The following NAALADL2 variants were observed in gnomAD, a reference collection of about 807,000 sequenced individuals.
NAALADL2 encodes the protein N-acetylated alpha-linked acidic dipeptidase like 2, also known as inactive N-acetylated-alpha-linked acidic dipeptidase-like protein 2.
NAALADL2 carries 76 observed loss-of-function variants against 87.2 expected under a neutral mutation model. The ratio of observed to expected loss-of-function variants is 0.87; its 90% CI spans 0.72 to 1.05. The LOEUF (loss-of-function observed/expected upper bound fraction) is 1.05, where lower values mean the gene tolerates loss of function less well. NAALADL2 is among the 50% of genes least tolerant of loss of function. The pLI is 0.00. For missense variants in NAALADL2, 1,089 were observed against 945.8 expected, an observed-to-expected ratio of 1.15 and a Z score of -1.99; for synonymous variants, 354 against 331.0, an observed-to-expected ratio of 1.07 and a Z score of -0.75.
rs779462263 is a variant in NAALADL2 at position 175,260,492 on chromosome 3, T to C, written c.939+3962T>C. Among the ~76,000 whole-genome samples, 13 of 152,292 alleles carry C rather than the reference T, an allele frequency of 8.5e-5. No homozygotes were observed. In the South Asian group the frequency reaches 2.7e-3, roughly 32 times the overall value. ...AGAAAAAGGAAGCATGTATTAAACATAGTTATGCAGCATGATTACGGCCCA... is the reference window on the plus strand; with the variant it reads ...AGAAAAAGGAAGCATGTATTAAACACAGTTATGCAGCATGATTACGGCCCA... On this transcript the variant is annotated intron_variant, in intron 4 of 13. Transcript: ENST00000454872.
chr3:175,653,217 G>A (rs1731022549), intron 11 of NAALADL2, among the ~76,000 whole-genome samples: 1 of 151,516 alleles, frequency 6.6e-6, no homozygotes, highest in East Asian at 1.9e-4. Context: ...TGGAAGGGGA[G>A]GAAGGAAGGC....
chr3:175,127,715 A>C (rs6798657), intron 2 of NAALADL2, among the ~76,000 whole-genome samples: 53,950 of 151,956 alleles, frequency 0.36, 9,855 homozygotes, highest in East Asian at 0.45. Context: ...ACTGTTTTCA[A>C]TATAAAATAA....
intron 11 of NAALADL2, among the ~76,000 whole-genome samples, chr3:175,704,219 A>T (rs59666432): frequency 0.033 from 5,090 of 152,262 alleles, 283 homozygotes; most frequent in African/African-American, 0.12. Flanking sequence ...TAAATACTGC[A>T]TAAATATTAG....
intron 1 of NAALADL2, among the ~76,000 whole-genome samples, chr3:174,500,106 T>C (rs1319830848): frequency 3.9e-4 from 59 of 152,212 alleles, no homozygotes; most frequent in Non-Finnish European, 2.9e-5. Context: ...CTCTTGGCAA[T>C]GTTTTATTTT....
intron 1 of NAALADL2, among the ~76,000 whole-genome samples, chr3:174,877,214 G>C (rs1182452274): frequency 1.3e-5 from 2 of 152,094 alleles, no homozygotes; most frequent in African/African-American, 2.4e-5. Flanking sequence ...AAGCTACTTA[G>C]ACGCTTACCT....
At chr3:175,750,142 TA>T (rs1258279413) in intron 12 of NAALADL2, among the ~76,000 whole-genome samples, 1 of 152,158 alleles carries the variant, frequency 6.6e-6, no homozygotes, top group East Asian at 1.9e-4. Flanking sequence ...ACCAGATGTA[TA>T]ATTAGTGGGA....
intron 10 of NAALADL2, among the ~76,000 whole-genome samples, chr3:175,608,478 C>A (rs1724096024): frequency 1.3e-5 from 2 of 151,870 alleles, no homozygotes; most frequent in Admixed American, 6.6e-5. Context: ...TATAAAGACA[C>A]AGAGAGCCTG....
At chr3:175,617,128 C>T (rs1187440850) in intron 10 of NAALADL2, among the ~76,000 whole-genome samples, 1 of 152,134 alleles carries the variant, frequency 6.6e-6, no homozygotes, top group African/African-American at 2.4e-5. Flanking sequence ...TCAACTACAA[C>T]TAAGGCATTG....
chr3:174,716,179 A>G (rs1731165589), intron 2 of NAALADL2, among the ~76,000 whole-genome samples: 1 of 152,152 alleles, frequency 6.6e-6, no homozygotes. Context: ...ATTGGGAAAG[A>G]TCATATTCTC....
At chr3:174,572,670 G>T (rs1715068217) in intron 2 of NAALADL2, among the ~76,000 whole-genome samples, 1 of 152,080 alleles carries the variant, frequency 6.6e-6, no homozygotes, top group African/African-American at 2.4e-5. Flanking sequence ...AAGGACTCAA[G>T]ATCAATATAA....
intron 1 of NAALADL2, among the ~76,000 whole-genome samples, chr3:174,861,760 A>T (rs11925646): frequency 6.6e-6 from 1 of 151,940 alleles, no homozygotes; most frequent in Admixed American, 6.6e-5. Context: ...CATAGATATT[A>T]TCAATGATTA....
At chr3:175,537,384 G>C (rs1175115639) in intron 9 of NAALADL2, among the ~76,000 whole-genome samples, 1 of 152,158 alleles carries the variant, frequency 6.6e-6, no homozygotes, top group East Asian at 1.9e-4. Context: ...GTGTATGAGG[G>C]AAGAGCAGAG....
At chr3:175,217,013 T>C (rs979122774) in intron 2 of NAALADL2, among the ~76,000 whole-genome samples, 10 of 152,206 alleles carry the variant, frequency 6.6e-5, no homozygotes, top group Non-Finnish European at 1.3e-4. Context: ...GAACACCCAA[T>C]GTAATTTGAA....
intron 3 of NAALADL2, among the ~76,000 whole-genome samples, chr3:174,763,227 G>A (rs1713279893): frequency 6.6e-6 from 1 of 152,028 alleles, no homozygotes; most frequent in African/African-American, 2.4e-5. Context: ...TGTTCAGAGT[G>A]ATATATGAAT....
At chr3:174,635,525 T>C (rs1722549078) in intron 2 of NAALADL2, among the ~76,000 whole-genome samples, 2 of 150,068 alleles carry the variant, frequency 1.3e-5, no homozygotes, top group South Asian at 4.2e-4. Context: ...TTTTTTGAGA[T>C]GGAGTCTTGC....
chr3:174,904,823 C>T (rs983743448), intron 1 of NAALADL2, among the ~76,000 whole-genome samples: 63 of 151,622 alleles, frequency 4.2e-4, no homozygotes, highest in African/African-American at 1.3e-3. Flanking sequence ...TTTTGATGCT[C>T]GGTATGTTTT....
At chr3:174,855,473 T>A (rs1433247864), upstream of NAALADL2, among the ~76,000 whole-genome samples, 2 of 152,136 alleles carry the variant, frequency 1.3e-5, no homozygotes, top group Non-Finnish European at 2.9e-5. Context: ...ATTTCTTATA[T>A]CCTTCTAACT....
intron 10 of NAALADL2, among the ~76,000 whole-genome samples, chr3:175,613,486 A>C (rs936683510): frequency 6.6e-6 from 1 of 152,252 alleles, no homozygotes; most frequent in Non-Finnish European, 1.5e-5. Flanking sequence ...TGAAATGAAC[A>C]TACATTTTAT....
intron 1 of NAALADL2, among the ~76,000 whole-genome samples, chr3:174,995,740 T>G (rs1747352442): frequency 6.6e-6 from 1 of 151,824 alleles, no homozygotes; most frequent in African/African-American, 2.4e-5. Context: ...ATTTCTTAAA[T>G]CTATGCCTTA....
Sources: allele counts gnomAD v4.1 joint callset (sites outside exome capture counted in the v4.1 genomes callset), GRCh38; gene constraint gnomAD v4.1.1; transcripts MANE v1.5; gene names NCBI Gene and HGNC (gene_info 2026-07-23, HGNC 2026-07-21).